The following XYLB variants were observed in gnomAD, a reference collection of about 807,000 sequenced individuals.
XYLB encodes xylulose kinase.
XYLB carries 62 observed loss-of-function variants against 78.7 expected under a neutral mutation model. The observed-to-expected ratio is 0.79, with a 90% CI of 0.64 to 0.97. The LOEUF (loss-of-function observed/expected upper bound fraction) is 0.97, where lower values mean the gene tolerates loss of function less well. Ranked by LOEUF, XYLB falls within the 50% of genes least tolerant of loss-of-function variation. The pLI, the probability that XYLB is intolerant of heterozygous loss-of-function variation, is 0.00. For missense variants in XYLB, 687 were observed against 676.8 expected, an observed-to-expected ratio of 1.02 and a Z score of -0.17; for synonymous variants, 245 against 247.4, an observed-to-expected ratio of 0.99 and a Z score of 0.09.
At chr3:38,388,683 T>G (rs1406211096) in intron 15 of XYLB, among the ~76,000 whole-genome samples, 1 of 152,198 alleles carries the variant, frequency 6.6e-6, no homozygotes, top group East Asian at 1.9e-4. Flanking sequence ...AAAAATGTAT[T>G]TTTAGCAATT....
intron 11 of XYLB, 99 bp downstream of exon 11, chr3:38,374,601 G>A: frequency 6.6e-7 from 1 of 1,507,428 alleles, no homozygotes; most frequent in Non-Finnish European, 9.1e-7. Flanking sequence ...AGATCCCAGG[G>A]TCCCAGGGTC....
intron 18 of XYLB, among the ~76,000 whole-genome samples, chr3:38,407,669 A>G (rs1323086131): frequency 3.9e-5 from 6 of 152,312 alleles, no homozygotes; most frequent in Non-Finnish European, 7.3e-5. Context: ...CATAGGCTCA[A>G]AATAAAAGGA....
intron 2 of XYLB, 83 bp downstream of exon 2, chr3:38,348,715 C>G: frequency 7.8e-7 from 1 of 1,282,544 alleles, no homozygotes; most frequent in African/African-American, 1.5e-5. Context: ...GCAGACCGCA[C>G]TGTTGAGGCT....
At chr3:38,416,285 C>T (rs1314596775), downstream of XYLB, among the ~76,000 whole-genome samples, 7 of 151,674 alleles carry the variant, frequency 4.6e-5, no homozygotes, top group Non-Finnish European at 1.0e-4. Context: ...AGTTGACAAA[C>T]CAAGTATATG....
At chr3:38,450,964 CA>C in the XYLB span, 1 of 152,102 alleles carries the variant, frequency 6.6e-6, no homozygotes, top group Admixed American at 6.5e-5. Flanking sequence ...ACCGAAACAC[CA>C]GGGGTTTGGT....
chr3:38,379,112 T>C (rs1248341270), intron 14 of XYLB, 134 bp from the exon 15 acceptor site: 3 of 784,794 alleles, frequency 3.8e-6, no homozygotes, highest in South Asian at 1.6e-5. Flanking sequence ...CAGGCAAAGA[T>C]AGTGGTTAAA....
downstream of XYLB, among the ~76,000 whole-genome samples, chr3:38,418,819 A>T (rs1230182931): frequency 6.6e-6 from 1 of 152,204 alleles, no homozygotes; most frequent in Admixed American, 6.5e-5. Context: ...TTTGTAATAA[A>T]ATGTATGACA....
chr3:38,347,038 A>G, intron 1 of XYLB, 113 bp downstream of exon 1: 1 of 1,117,078 alleles, frequency 9.0e-7, no homozygotes, highest in Non-Finnish European at 1.2e-6. Flanking sequence ...GGGCGCGCCT[A>G]CCTCTCGGGC....
At chr3:38,444,760 G>GA in the XYLB span, among the ~76,000 whole-genome samples, 2 of 152,088 alleles carry the variant, frequency 1.3e-5, no homozygotes, top group Non-Finnish European at 2.9e-5. Flanking sequence ...CCATCTGAAA[G>GA]AAAAAACCGC....
At chr3:38,366,988 A>C (rs1442547565) in intron 7 of XYLB, 115 bp downstream of exon 7, 3 of 697,738 alleles carry the variant, frequency 4.3e-6, no homozygotes, top group Non-Finnish European at 7.4e-6. Flanking sequence ...AGACATTAAC[A>C]AATGATATAT....
intron 7 of XYLB, among the ~76,000 whole-genome samples, chr3:38,367,876 G>A (rs1438022306): frequency 6.6e-6 from 1 of 152,172 alleles, no homozygotes; most frequent in Non-Finnish European, 1.5e-5. Flanking sequence ...CCCAGCATGT[G>A]GATTCCGGAT....
chr3:38,362,882 C>T (rs2125575988), intron 3 of XYLB, 55 bp from the exon 4 acceptor site: 7 of 1,387,708 alleles, frequency 5.0e-6, no homozygotes, highest in South Asian at 3.5e-5. Context: ...CTGAGGCTTG[C>T]GTGTCTGATT....
At chr3:38,436,189 C>T in the XYLB span, among the ~76,000 whole-genome samples, 35 of 151,644 alleles carry the variant, frequency 2.3e-4, no homozygotes, top group African/African-American at 7.7e-4. Context: ...CCAGACTAAC[C>T]AAGAAAAAAA....
chr3:38,360,769 C>T (rs567454164), intron 3 of XYLB, among the ~76,000 whole-genome samples: 6 of 152,244 alleles, frequency 3.9e-5, no homozygotes, highest in African/African-American at 1.4e-4. Context: ...CATGGTGGCT[C>T]ATGCCTGTAA....
At chr3:38,391,010 A>C (rs1459246609) in intron 15 of XYLB, among the ~76,000 whole-genome samples, 1 of 152,182 alleles carries the variant, frequency 6.6e-6, no homozygotes, top group African/African-American at 2.4e-5. Flanking sequence ...GCTTGAGGTC[A>C]GGAGTTCAAG....
intron 17 of XYLB, among the ~76,000 whole-genome samples, chr3:38,398,095 G>C (rs62239900): frequency 0.067 from 10,220 of 151,700 alleles, 441 homozygotes; most frequent in Admixed American, 0.14. Context: ...TGGGATTACA[G>C]GCGTGAGCCA....
At chr3:38,431,162 A>T in the XYLB span, among the ~76,000 whole-genome samples, 1 of 152,026 alleles carries the variant, frequency 6.6e-6, no homozygotes, top group African/African-American at 2.4e-5. Flanking sequence ...GCCATTTTCC[A>T]GTATTGATTC....
At chr3:38,367,962 C>G (rs1706350532) in intron 7 of XYLB, among the ~76,000 whole-genome samples, 1 of 152,148 alleles carries the variant, frequency 6.6e-6, no homozygotes, top group Non-Finnish European at 1.5e-5. Flanking sequence ...AGTTTTATGG[C>G]CCATCAGAAA....
the XYLB span, among the ~76,000 whole-genome samples, chr3:38,426,978 G>A: frequency 6.6e-6 from 1 of 152,172 alleles, no homozygotes; most frequent in African/African-American, 2.4e-5. Flanking sequence ...TTGACAGCAT[G>A]TTTTTGCTAC....
Sources: allele counts gnomAD v4.1 joint callset (sites outside exome capture counted in the v4.1 genomes callset), GRCh38; gene constraint gnomAD v4.1.1; transcripts MANE v1.5; gene names NCBI Gene and HGNC (gene_info 2026-07-23, HGNC 2026-07-21).